The following SLC43A1 variants were observed in gnomAD, a reference collection of about 807,000 sequenced individuals.
The protein encoded by SLC43A1 is solute carrier family 43 member 1, also known as large neutral amino acids transporter small subunit 3.
A neutral mutation model predicts 59.5 loss-of-function variants in SLC43A1; 31 were observed. The observed-to-expected ratio is 0.52, with a 90% CI of 0.39 to 0.70. SLC43A1 has a LOEUF of 0.70. SLC43A1 is among the 30% of genes least tolerant of loss of function. The probability of loss-of-function intolerance (pLI) is 0.00; values close to 1 mark genes in which losing one functional copy is unlikely to be tolerated. For missense variants in SLC43A1, 598 were observed against 717.8 expected (o/e 0.83, Z 1.91); for synonymous variants, 259 against 290.9 (o/e 0.89, Z 1.12).
intron 2 of SLC43A1, among the ~76,000 whole-genome samples, chr11:57,506,548 C>T (rs935043100): frequency 2.6e-5 from 4 of 152,022 alleles, no homozygotes; most frequent in African/African-American, 9.7e-5. Context: ...AACAAACAAA[C>T]AAAATCTTAG....
Position 57,514,959 on chromosome 11 carries a change from C to T in SLC43A1, c.-14+485G>A, listed in dbSNP as rs1355402515. ...CAAAGGGAGGGAAAGAGCCCCAGCT[C>T]CCCCCGCCGCGGCCGCTGCAGCCTC... On this transcript the variant is annotated intron_variant, in intron 1 of 14. Transcript: ENST00000278426. This position sits in a 1 kb window ranked among gnomAD's most constrained non-coding sequence, Gnocchi z 5.5. 2 of 968,480 alleles carry T rather than the reference C, an allele frequency of 2.1e-6. No homozygotes were observed. The highest frequency in any genetic ancestry group is 1.8e-5 in the African/African-American group (1 of 56,794). The allele number at this position is 968,480 out of a possible 1,614,324, so 60.0% of individuals were successfully genotyped here.
intron 2 of SLC43A1, among the ~76,000 whole-genome samples, chr11:57,504,980 G>A (rs1048742319): frequency 2.6e-5 from 4 of 152,214 alleles, no homozygotes; most frequent in Admixed American, 1.3e-4. Context: ...TCTTAGAGCT[G>A]TGTCCATGTT....
In SLC43A1 at chr11:57,491,840, G is replaced by C. The variant is rs1193487090; in HGVS notation, c.894C>G (p.Ser298Arg). The change falls in exon 9 of 15, where the codon AGC becomes AGG. Residue 298 changes from serine (S) to arginine (R), a missense_variant. Coordinates refer to ENST00000278426, the MANE Select transcript of SLC43A1 (RefSeq NM_003627.6). ...TCCACAGGAAAGTGGGGGAGCAGAGGCTCTTGCGTAAGGGGACAGACCCTG... is the reference window on the plus strand; with the variant it reads ...TCCACAGGAAAGTGGGGGAGCAGAGCCTCTTGCGTAAGGGGACAGACCCTG... ...LPERSVPLRK[S>R]LCSPTFLWSL... is the part of the protein sequence containing the mutation. 1 of 1,614,174 alleles carries C rather than the reference G, an allele frequency of 6.2e-7. No homozygotes were observed. The highest frequency in any genetic ancestry group is 8.5e-7 in the Non-Finnish European group (1 of 1,180,026).
Position 57,500,771 on chromosome 11 carries a change from A to T in SLC43A1, c.465+8T>A. On this transcript the variant is annotated splice_region_variant and intron_variant, in intron 5 of 14. Transcript: ENST00000278426. ...ACTCTGCTGCCAGGCCAGGCCTGTG[A>T]CACTCACCGTGAGTGAAGTGAACGT... is the stretch of plus-strand genomic sequence containing the variant. 1 of 1,613,506 alleles carries T rather than the reference A, an allele frequency of 6.2e-7. No homozygotes were observed. The highest frequency in any genetic ancestry group is 8.5e-7 in the Non-Finnish European group (1 of 1,179,448).
In SLC43A1 at chr11:57,491,857, CA is replaced by C. The variant is rs1565126782; in HGVS notation, c.876del (p.Val293SerfsTer21). 1.2e-6 allele frequency: 2 copies of C among 1,614,062 alleles called. No homozygotes were observed. Among genetic ancestry groups the C allele is most frequent in the Non-Finnish European group, 1.7e-6 (2 of 1,180,014 alleles). On this transcript the variant is annotated frameshift_variant, in exon 9 of 15. Transcript: ENST00000278426. LOFTEE classifies it high-confidence loss of function. ...RGTSENLPER[S>X]VPLRKSLCSP... ...GAGCAGAGGCTCTTGCGTAAGGGGA[CA>C]GACCCTGGGGAGACAGCAGGGGGCG... is the stretch of plus-strand genomic sequence containing the variant.
chr11:57,502,931 G>A (rs1296938459), intron 2 of SLC43A1, among the ~76,000 whole-genome samples: 8 of 151,860 alleles, frequency 5.3e-5, no homozygotes, highest in Admixed American at 5.3e-4. Context: ...AACCAACAAG[G>A]GGACAAGGGG....
chr11:57,502,277 G>C (rs559217742), intron 2 of SLC43A1, among the ~76,000 whole-genome samples: 1 of 152,374 alleles, frequency 6.6e-6, no homozygotes, highest in African/African-American at 2.4e-5. Flanking sequence ...AGACAGACCA[G>C]GGTCTGAATT....
chr11:57,497,194 G>A (rs1944113810), intron 6 of SLC43A1, among the ~76,000 whole-genome samples: 2 of 89,242 alleles, frequency 2.2e-5, no homozygotes, highest in African/African-American at 6.1e-5. Flanking sequence ...TGAGGAGCAT[G>A]GCATGGCTCA....
rs140680350 is a variant in SLC43A1, at chr11:57,497,013, AAAG to A, written c.558+737_558+739del. On this transcript the variant is annotated intron_variant, in intron 6 of 14. Transcript: ENST00000278426. ...GCTCTTCAAACACTACTTCAGTTGA[AAAG>A]AAGGGAGAACTGCCCACCCTCCATG... Among the ~76,000 whole-genome samples, 372 of 152,292 alleles carry A rather than the reference AAAG, an allele frequency of 2.4e-3. 6 individuals are homozygous for A. The highest frequency in any genetic ancestry group is 0.019 in the East Asian group (100 of 5,180).
Position 57,514,783 on chromosome 11 carries a change from C to T in SLC43A1, c.-13-659G>A, listed in dbSNP as rs1944642341. The T allele has an allele frequency of 2.3e-5, 23 of 984,006 alleles. 2 individuals carry two copies. In the South Asian group the frequency reaches 1.0e-3, roughly 44 times the overall value. 61.0% of individuals were successfully genotyped at this position (984,006 alleles called of 1,614,324 possible). A position where few individuals can be genotyped will look rare whatever the true frequency, so the allele number is the denominator to read the frequency against. On this transcript the variant is annotated intron_variant, in intron 1 of 14. Transcript: ENST00000278426. This position sits in a 1 kb window ranked among gnomAD's most constrained non-coding sequence, Gnocchi z 5.5. ...TCCCCCGCGCGCCCCTCACTCACTC[C>T]GCAGGGCTCGGGGCACCAGGCTTTG...
chr11:57,488,150 AGAT>A (rs904155509), intron 13 of SLC43A1, among the ~76,000 whole-genome samples: 1 of 152,226 alleles, frequency 6.6e-6, no homozygotes, highest in African/African-American at 2.4e-5. Context: ...GGGCCAGGGC[AGAT>A]GTGGGAGACT....
In SLC43A1 at chr11:57,485,177, G is replaced by GT; in HGVS notation, c.1598dup (p.Tyr533Ter). 6.2e-7 allele frequency: 1 copy of GT among 1,614,072 alleles called. No homozygotes were observed. Among genetic ancestry groups the GT allele is most frequent in the Non-Finnish European group, 8.5e-7 (1 of 1,180,008 alleles). ...GFLLPSYLFYYRARLQQEYAA... is the reference protein window; with the variant it reads ...GFLLPSYLFY ...CGTACTCCTGCTGGAGCCGGGCACG[G>GT]TAATAGAAGAGGTAGGAAGGCAACA... Residue 533 changes from tyrosine (Y) to a stop codon, truncating the protein, a stop_gained and frameshift_variant, in exon 15 of 15, where the codon TAC becomes TAAC. Coordinates refer to ENST00000278426, the MANE Select transcript of SLC43A1 (RefSeq NM_003627.6). LOFTEE classifies it low-confidence loss of function (END_TRUNC).
Position 57,514,521 on chromosome 11 carries a change from G to T in SLC43A1, c.-13-397C>A, listed in dbSNP as rs1168080842. 2.2e-5 allele frequency: 4 copies of T among 179,822 alleles called. No homozygotes were observed. Among genetic ancestry groups the T allele is most frequent in the East Asian group, 3.3e-4 (2 of 6,016 alleles). The allele number at this position is 179,822 out of a possible 1,614,324, so 11.1% of individuals were successfully genotyped here. A position where few individuals can be genotyped will look rare whatever the true frequency, so the allele number is the denominator to read the frequency against. ...CTGAAGCACCGCGGGCCCATGTCCG[G>T]ACTCTCGCGCCAGGAAAGACCCCTA... On this transcript the variant is annotated intron_variant, in intron 1 of 14. Coordinates refer to ENST00000278426, the MANE Select transcript of SLC43A1 (RefSeq NM_003627.6). The surrounding 1 kb of genome is among the most constrained non-coding windows in gnomAD (Gnocchi z 5.5).
intron 3 of SLC43A1, 44 bp downstream of exon 3, chr11:57,501,108 G>T: frequency 6.2e-7 from 1 of 1,610,724 alleles, no homozygotes; most frequent in Non-Finnish European, 8.5e-7. Flanking sequence ...TCCCCCTGCA[G>T]CACGGTCCCT....
chr11:57,506,543 A>G (rs1181028983), intron 2 of SLC43A1, among the ~76,000 whole-genome samples: 4 of 152,066 alleles, frequency 2.6e-5, no homozygotes, highest in Non-Finnish European at 5.9e-5. Context: ...TCAAAAACAA[A>G]CAAACAAAAT....
At chr11:57,500,745 A>G in intron 5 of SLC43A1, 34 bp downstream of exon 5, 1 of 1,604,000 alleles carries the variant, frequency 6.2e-7, no homozygotes, top group Non-Finnish European at 8.5e-7. Flanking sequence ...CACTCGGGGG[A>G]ACTCTGCTGC....
intron 14 of SLC43A1, among the ~76,000 whole-genome samples, chr11:57,486,477 C>T (rs1273872550): frequency 7.5e-5 from 11 of 147,418 alleles, no homozygotes; most frequent in Admixed American, 3.4e-4. Context: ...GACTGGGCAA[C>T]AGAACAAGAC....
intron 2 of SLC43A1, among the ~76,000 whole-genome samples, chr11:57,508,900 T>C (rs1429256771): frequency 4.6e-5 from 7 of 151,664 alleles, no homozygotes; most frequent in Non-Finnish European, 8.8e-5. Context: ...ATGGATCACT[T>C]GAGGCCGGGA....
chr11:57,512,417 GC>G (rs1013063277), intron 2 of SLC43A1, among the ~76,000 whole-genome samples: 1 of 151,750 alleles, frequency 6.6e-6, no homozygotes, highest in African/African-American at 2.4e-5. Flanking sequence ...CATGGTGAAA[GC>G]CCGTCTCTAC....
Sources: gnomAD v4.1 joint callset for allele counts (sites outside exome capture counted in the v4.1 genomes callset) on GRCh38, gnomAD v4.1.1 for gene constraint, Gnocchi (gnomAD v3.1) non-coding constraint, MANE v1.5 for transcripts, NCBI Gene and HGNC (gene_info 2026-07-23, HGNC 2026-07-21) for gene names.